The following MYOCD variants were observed in gnomAD, a reference collection of about 807,000 sequenced individuals.
The protein encoded by MYOCD is myocardin.
MYOCD carries 32 observed loss-of-function variants against 96.1 expected under a neutral mutation model. That is an observed-to-expected ratio of 0.33 (90% CI 0.25 to 0.45). The LOEUF is 0.45. Among genes scored for constraint, MYOCD ranks in the 20% least tolerant of loss-of-function variants. The pLI is 1.00. For synonymous variants in MYOCD, 469 were observed against 469.0 expected, an observed-to-expected ratio of 1.00 and a Z score of 0.00; for missense variants, 1,133 against 1,200.6, an observed-to-expected ratio of 0.94 and a Z score of 0.83.
chr17:12,699,032 G>A (rs1041248791), intron 1 of MYOCD, among the ~76,000 whole-genome samples: 6 of 147,938 alleles, frequency 4.1e-5, no homozygotes, highest in African/African-American at 7.5e-5. Flanking sequence ...GTGAGCCACC[G>A]CGCCCGGCCC....
chr17:12,730,097 T>C (rs182748800), intron 5 of MYOCD, among the ~76,000 whole-genome samples: 53 of 151,256 alleles, frequency 3.5e-4, no homozygotes, highest in African/African-American at 1.3e-3. Flanking sequence ...CAGTAAGCTA[T>C]GATCAAACCA....
At chr17:12,721,236 T>A (rs1345978544) in intron 4 of MYOCD, among the ~76,000 whole-genome samples, 3 of 152,098 alleles carry the variant, frequency 2.0e-5, no homozygotes, top group African/African-American at 7.2e-5. Context: ...AACCCCCAGT[T>A]CAATTGCATG....
chr17:12,736,370 A>C (rs1461604103), intron 6 of MYOCD, 34 bp downstream of exon 6: 2 of 1,605,048 alleles, frequency 1.2e-6, no homozygotes, highest in South Asian at 2.2e-5. Context: ...AAAAAAGTAA[A>C]ACAGCATCTC....
At chr17:12,721,795 G>C (rs1225688471) in intron 4 of MYOCD, among the ~76,000 whole-genome samples, 1 of 152,236 alleles carries the variant, frequency 6.6e-6, no homozygotes, top group African/African-American at 2.4e-5. Flanking sequence ...CTGAGGCAGA[G>C]AGCCAGCAAG....
chr17:12,703,647 A>G (rs1386739048), intron 1 of MYOCD, among the ~76,000 whole-genome samples: 1 of 151,858 alleles, frequency 6.6e-6, no homozygotes, highest in Non-Finnish European at 1.5e-5. Flanking sequence ...TGCTTCTGGG[A>G]CTCTTAATTC....
intron 9 of MYOCD, 23 bp downstream of exon 9, chr17:12,746,095 C>A (rs372726762): frequency 5.0e-6 from 8 of 1,610,076 alleles, no homozygotes; most frequent in Non-Finnish European, 6.8e-6. Flanking sequence ...ACATGAGTTT[C>A]TTTCTTTTTT....
rs550043645 is a variant in MYOCD at position 12,765,810 on chromosome 17, A to C, written c.*2166A>C. The C allele has an allele frequency of 5.9e-5, 9 of 152,366 alleles. No individual in the cohort carries two copies. The highest frequency in any genetic ancestry group is 2.2e-4 in the African/African-American group (9 of 41,588). 9.4% of individuals were successfully genotyped at this position (152,366 alleles called of 1,614,324 possible). A position where few individuals can be genotyped will look rare whatever the true frequency, so the allele number is the denominator to read the frequency against. On this transcript the variant is annotated 3_prime_UTR_variant, in exon 14 of 14. Transcript: ENST00000425538. ...TCTTGGCAATGAATATGGATGTGAA[A>C]AGACAGAACAGCTTCACCATTAGTA...
rs182913617 is a variant in MYOCD, at chr17:12,686,652, G to A, written c.56-18476G>A. ...GGCATGGGAGTACAAGCAGCATCAT[G>A]GGTCTGATGAAATGATAGCTCTTGT... On this transcript the variant is annotated intron_variant, in intron 1 of 13. Transcript: ENST00000425538. 2.9e-3 allele frequency among the ~76,000 whole-genome samples: 436 copies of A among 152,326 alleles called. 2 individuals are homozygous for A. The Middle Eastern group carries it at 0.031, about 11-fold the overall frequency.
In MYOCD at chr17:12,765,109, A is replaced by G. The variant is rs181702524; in HGVS notation, c.*1465A>G. On this transcript the variant is annotated 3_prime_UTR_variant, in exon 14 of 14. Coordinates refer to ENST00000425538, the MANE Select transcript of MYOCD (RefSeq NM_001146312.3). ...TTGCGCATTGAAAACGATGGAAGGA[A>G]AAAGACAATGGTCTAATGTGCATTC... 1 of 152,322 alleles carries G rather than the reference A, an allele frequency of 6.6e-6. No homozygotes were observed. The highest frequency in any genetic ancestry group is 1.9e-4 in the East Asian group (1 of 5,180). 9.4% of individuals were successfully genotyped at this position (152,322 alleles called of 1,614,324 possible).
chr17:12,720,442 C>T (rs965641976), intron 4 of MYOCD: 3 of 152,104 alleles, frequency 2.0e-5, no homozygotes, highest in East Asian at 1.9e-4. Context: ...AATTCTTTCT[C>T]GACCATGACA....
intron 5 of MYOCD, among the ~76,000 whole-genome samples, chr17:12,733,556 A>C (rs1453052314): frequency 6.6e-6 from 1 of 151,926 alleles, no homozygotes; most frequent in Non-Finnish European, 1.5e-5. Context: ...TGACCTTACA[A>C]TGTGTTCATT....
At chr17:12,681,856 C>T (rs1910486649) in intron 1 of MYOCD, among the ~76,000 whole-genome samples, 1 of 152,138 alleles carries the variant, frequency 6.6e-6, no homozygotes, top group Non-Finnish European at 1.5e-5. Context: ...GTACTCCCTG[C>T]AGTAGATGAG....
intron 1 of MYOCD, among the ~76,000 whole-genome samples, chr17:12,700,580 ATT>A (rs1003961657): frequency 6.7e-6 from 1 of 149,594 alleles, no homozygotes; most frequent in Non-Finnish European, 1.5e-5. Context: ...CACCCAGCTA[ATT>A]TTTTTGTATT....
At chr17:12,721,767 G>A (rs1049387615) in intron 4 of MYOCD, among the ~76,000 whole-genome samples, 6 of 152,208 alleles carry the variant, frequency 3.9e-5, no homozygotes, top group South Asian at 2.1e-4. Context: ...TGGTACACAG[G>A]ATGAGTCAGA....
intron 1 of MYOCD, among the ~76,000 whole-genome samples, chr17:12,679,657 C>G (rs1276621530): frequency 6.6e-6 from 1 of 151,956 alleles, no homozygotes; most frequent in African/African-American, 2.4e-5. Context: ...GGTATATGTG[C>G]TACAGTAACA....
chr17:12,728,115 C>A (rs1402265250), intron 5 of MYOCD, among the ~76,000 whole-genome samples: 1 of 152,162 alleles, frequency 6.6e-6, no homozygotes, highest in Non-Finnish European at 1.5e-5. Context: ...AGCGATGATT[C>A]ATGAGAACAG....
chr17:12,761,509 G>T (rs1220554250), intron 13 of MYOCD: 1 of 151,572 alleles, frequency 6.6e-6, no homozygotes, highest in Non-Finnish European at 1.5e-5. Flanking sequence ...CAAGAGGGAA[G>T]AAGGAAGAGA....
At chr17:12,705,304 T>A (rs1479886760) in intron 2 of MYOCD, 111 bp downstream of exon 2, 1 of 691,842 alleles carries the variant, frequency 1.4e-6, no homozygotes, top group Admixed American at 2.7e-5. Flanking sequence ...TCTCCGAAGA[T>A]CTTCAAAGCA....
rs147731196 is a variant in MYOCD at position 12,728,502 on chromosome 17, A to T, written c.415+5494A>T. Among the ~76,000 whole-genome samples the T allele has an allele frequency of 7.0e-3, 1,058 of 152,120 alleles. 64 individuals carry two copies. In the East Asian group the frequency reaches 0.14, roughly 20 times the overall value. On this transcript the variant is annotated intron_variant, in intron 5 of 13. Coordinates refer to ENST00000425538, the MANE Select transcript of MYOCD (RefSeq NM_001146312.3). ...TTTTTTGTTGTTGTTTTTTTAAGAC[A>T]GAGTTTCGCTCTTGTTGCCCAGGCT... is the stretch of plus-strand genomic sequence containing the variant.
Sources: allele counts gnomAD v4.1 joint callset (sites outside exome capture counted in the v4.1 genomes callset), GRCh38; gene constraint gnomAD v4.1.1; transcripts MANE v1.5; gene names NCBI Gene and HGNC (gene_info 2026-07-23, HGNC 2026-07-21).